The following SCAI variants were observed in gnomAD, a reference collection of about 807,000 sequenced individuals.
SCAI encodes protein SCAI.
SCAI carries 24 observed loss-of-function variants against 92.2 expected under a neutral mutation model. That is an observed-to-expected ratio of 0.26 (90% confidence interval 0.19 to 0.37). The LOEUF (loss-of-function observed/expected upper bound fraction) is 0.37, where lower values mean the gene tolerates loss of function less well. Among genes scored for constraint, SCAI ranks in the 10% least tolerant of loss-of-function variants. The pLI is 1.00. For missense variants in SCAI, 450 were observed against 736.2 expected (o/e 0.61, Z 4.50); for synonymous variants, 261 against 258.6 (o/e 1.01, Z -0.09).
chr9:125,117,906 A>T (rs1245940295), intron 2 of SCAI, among the ~76,000 whole-genome samples: 3 of 152,118 alleles, frequency 2.0e-5, no homozygotes, highest in African/African-American at 2.4e-5. Context: ...TAGCTGTGTT[A>T]CTTTGGGTCA....
chr9:125,074,280 A>ATC (rs1834041925), intron 2 of SCAI, among the ~76,000 whole-genome samples: 1 of 142,532 alleles, frequency 7.0e-6, no homozygotes, highest in South Asian at 2.2e-4. Context: ...AAAAAAAGAT[A>ATC]GAGTCTCGCT....
intron 14 of SCAI, among the ~76,000 whole-genome samples, chr9:124,985,711 T>C (rs138762591): frequency 1.1e-4 from 17 of 151,872 alleles, no homozygotes; most frequent in African/African-American, 3.6e-4. Context: ...CTACTAAAAA[T>C]ACAAAATTAG....
chr9:124,977,539 T>C (rs1451126132), intron 14 of SCAI, among the ~76,000 whole-genome samples: 1 of 152,172 alleles, frequency 6.6e-6, no homozygotes, highest in Non-Finnish European at 1.5e-5. Flanking sequence ...CCAAATGTGG[T>C]GGTACATGCT....
chr9:124,992,591 C>A, intron 14 of SCAI, among the ~76,000 whole-genome samples: 1 of 151,972 alleles, frequency 6.6e-6, no homozygotes, highest in Non-Finnish European at 1.5e-5. Context: ...ACCACGTTGG[C>A]CAGGCTGGTT....
At chr9:125,067,223 C>T (rs1833890601) in intron 2 of SCAI, among the ~76,000 whole-genome samples, 1 of 152,034 alleles carries the variant, frequency 6.6e-6, no homozygotes, top group Admixed American at 6.6e-5. Context: ...ATTGTGTCCC[C>T]CTTAAAAGAT....
chr9:125,036,703 T>C (rs1833204730), intron 3 of SCAI, among the ~76,000 whole-genome samples: 1 of 152,262 alleles, frequency 6.6e-6, no homozygotes. Flanking sequence ...GTAAGTCTCC[T>C]CCACTTCTAT....
At chr9:125,120,960 T>C (rs1042010598) in intron 2 of SCAI, among the ~76,000 whole-genome samples, 8 of 151,738 alleles carry the variant, frequency 5.3e-5, no homozygotes, top group Non-Finnish European at 1.2e-4. Flanking sequence ...TAAGGAAACA[T>C]GAGTAATCTG....
rs1363425798 is a variant in SCAI, at chr9:124,948,825, T to G, written c.*3982A>C. 1 of 152,234 alleles carries G rather than the reference T, an allele frequency of 6.6e-6. No individual in the cohort carries two copies. Among genetic ancestry groups the G allele is most frequent in the East Asian group, 1.9e-4 (1 of 5,202 alleles). The allele number at this position is 152,234 out of a possible 1,614,324, so 9.4% of individuals were successfully genotyped here. ...GTGCAATTTGAAAACAAAGGAGTGC[T>G]TTTTCCCTTTGCTTTGCTCTGTTCT... On this transcript the variant is annotated 3_prime_UTR_variant, in exon 18 of 18. Transcript: ENST00000336505.
intron 15 of SCAI, among the ~76,000 whole-genome samples, chr9:124,974,439 C>G (rs1277883446): frequency 7.0e-6 from 1 of 142,282 alleles, no homozygotes; most frequent in African/African-American, 2.6e-5. Context: ...CAGAGTGAGA[C>G]CCCATCTCAA....
At chr9:124,969,344 G>C (rs1041283562) in intron 17 of SCAI, among the ~76,000 whole-genome samples, 1 of 151,642 alleles carries the variant, frequency 6.6e-6, no homozygotes, top group African/African-American at 2.4e-5. Context: ...AACTGTTCAG[G>C]CATATTTGAA....
intron 2 of SCAI, among the ~76,000 whole-genome samples, chr9:125,106,722 CTTTT>C (rs34740170): frequency 1.9e-4 from 22 of 113,338 alleles, no homozygotes; most frequent in African/African-American, 3.9e-4. Context: ...TTTTCTTTTC[CTTTT>C]TTTTTTTTTT....
chr9:125,024,205 A>ATGTTGT (rs1291947717), intron 6 of SCAI, among the ~76,000 whole-genome samples: 122 of 152,146 alleles, frequency 8.0e-4, no homozygotes, highest in Middle Eastern at 6.8e-3. Context: ...TGTCAACGTC[A>ATGTTGT]ACATAAGTGG....
At chr9:125,026,932 T>A in intron 5 of SCAI, 22 bp from the exon 6 acceptor site, 1 of 1,390,852 alleles carries the variant, frequency 7.2e-7, no homozygotes, top group Non-Finnish European at 1.0e-6. Flanking sequence ...AATATATTTT[T>A]AAATATGACA....
intron 2 of SCAI, among the ~76,000 whole-genome samples, chr9:125,104,746 CTTTG>C (rs770198263): frequency 6.6e-5 from 10 of 151,564 alleles, no homozygotes; most frequent in Non-Finnish European, 1.3e-4. Flanking sequence ...TCTCAAAACC[CTTTG>C]TTTGTCAAAA....
chr9:124,983,514 G>A (rs1480690006), intron 14 of SCAI, among the ~76,000 whole-genome samples: 7 of 152,004 alleles, frequency 4.6e-5, no homozygotes, highest in Non-Finnish European at 7.4e-5. Context: ...CACCACACCC[G>A]GCTAATTTTT....
At chr9:125,128,450 T>C (rs1454014073) in intron 2 of SCAI, among the ~76,000 whole-genome samples, 1 of 151,986 alleles carries the variant, frequency 6.6e-6, no homozygotes, top group African/African-American at 2.4e-5. Flanking sequence ...TGAAACCCCA[T>C]CTCTATTAAA....
intron 9 of SCAI, among the ~76,000 whole-genome samples, chr9:125,016,700 G>A (rs1832767276): frequency 6.6e-6 from 1 of 152,044 alleles, no homozygotes; most frequent in Admixed American, 6.6e-5. Flanking sequence ...AGTAAATGGT[G>A]CTAGGTCTAC....
chr9:125,040,033 A>G (rs66766884), intron 3 of SCAI, among the ~76,000 whole-genome samples: 25,906 of 152,178 alleles, frequency 0.17, 2,391 homozygotes, highest in East Asian at 0.24. Context: ...TTCTCCTTTC[A>G]ACTTTATTCC....
intron 2 of SCAI, among the ~76,000 whole-genome samples, chr9:125,123,474 G>A (rs1835200716): frequency 6.6e-6 from 1 of 151,454 alleles, no homozygotes; most frequent in African/African-American, 2.4e-5. Flanking sequence ...TATCCTAAGA[G>A]TTTAAAAGTC....
Sources: gnomAD v4.1 joint callset for allele counts (sites outside exome capture counted in the v4.1 genomes callset) on GRCh38, gnomAD v4.1.1 for gene constraint, MANE v1.5 for transcripts, NCBI Gene and HGNC (gene_info 2026-07-23, HGNC 2026-07-21) for gene names.